Variants in CEP89 observed in about 807,000 individuals in gnomAD.
The protein encoded by CEP89 is centrosomal protein of 89 kDa.
In CEP89, 95 loss-of-function variants were observed where a neutral mutation model predicts 97.6. The observed-to-expected ratio is 0.97, with a 90% confidence interval of 0.82 to 1.15. CEP89 has a LOEUF of 1.15. CEP89 is among the 50% of genes most tolerant of loss of function. CEP89 has a pLI of 0.00. For synonymous variants in CEP89, 354 were observed against 349.1 expected, an observed-to-expected ratio of 1.01 and a Z score of -0.16; for missense variants, 869 against 947.7, an observed-to-expected ratio of 0.92 and a Z score of 1.09.
chr19:32,883,547 C>T (rs7252389), intron 17 of CEP89, among the ~76,000 whole-genome samples: 29,350 of 151,808 alleles, frequency 0.19, 2,938 homozygotes, highest in Non-Finnish European at 0.2. Flanking sequence ...CGTGGTGGCA[C>T]ATCTGTAATT....
At chr19:32,913,677 C>T (rs1052370168) in intron 14 of CEP89, among the ~76,000 whole-genome samples, 14 of 146,242 alleles carry the variant, frequency 9.6e-5, no homozygotes, top group Non-Finnish European at 4.5e-5. Context: ...TCGCTCTTGT[C>T]CCCCAGGCTG....
chr19:32,963,329 C>T (rs1372742325), intron 2 of CEP89, among the ~76,000 whole-genome samples: 1 of 152,130 alleles, frequency 6.6e-6, no homozygotes, highest in Non-Finnish European at 1.5e-5. Context: ...GCACTCCAGC[C>T]TGGGTGACAG....
intron 1 of CEP89, chr19:32,969,097 G>A (rs1398766730): frequency 3.3e-5 from 5 of 152,162 alleles, no homozygotes; most frequent in African/African-American, 1.2e-4. Context: ...GCTCGCAGCA[G>A]AGTGTAGCTC....
At chr19:32,929,787 G>C (rs1369848349) in intron 9 of CEP89, among the ~76,000 whole-genome samples, 2 of 152,126 alleles carry the variant, frequency 1.3e-5, no homozygotes, top group African/African-American at 4.8e-5. Context: ...TTGAATTATA[G>C]GACCCTAAGA....
At chr19:32,917,182 A>G (rs1970144594) in intron 13 of CEP89, among the ~76,000 whole-genome samples, 1 of 152,122 alleles carries the variant, frequency 6.6e-6, no homozygotes, top group Admixed American at 6.6e-5. Flanking sequence ...TAAGCTCAGT[A>G]AATAGGAAAC....
At chr19:32,956,924 C>A (rs1971061910) in intron 3 of CEP89, among the ~76,000 whole-genome samples, 1 of 152,008 alleles carries the variant, frequency 6.6e-6, no homozygotes, top group Non-Finnish European at 1.5e-5. Flanking sequence ...GAGTATAGTC[C>A]TTCATTCATT....
chr19:32,938,542 C>A (rs1970622839), intron 6 of CEP89, among the ~76,000 whole-genome samples: 1 of 152,150 alleles, frequency 6.6e-6, no homozygotes, highest in Non-Finnish European at 1.5e-5. Context: ...ACAAAGTAGA[C>A]AAGGTTATAA....
intron 12 of CEP89, among the ~76,000 whole-genome samples, chr19:32,920,940 A>G (rs1054096883): frequency 6.6e-6 from 1 of 150,932 alleles, no homozygotes; most frequent in African/African-American, 2.4e-5. Flanking sequence ...CTGCTGGGCC[A>G]GGTGCGGTGG....
At chr19:32,944,239 A>G (rs1568573159) in intron 5 of CEP89, among the ~76,000 whole-genome samples, 1 of 70,732 alleles carries the variant, frequency 1.4e-5, no homozygotes, top group Non-Finnish European at 3.0e-5. Context: ...AAAAAAAAAG[A>G]CTCTTCTTCT....
At chr19:32,945,317 T>C in intron 5 of CEP89, among the ~76,000 whole-genome samples, 1 of 148,438 alleles carries the variant, frequency 6.7e-6, no homozygotes, top group African/African-American at 2.5e-5. Context: ...TACAGACCTC[T>C]GGGCCCAGCC....
At chr19:32,956,049 C>CTTTTTTTTTTTT (rs202179963) in intron 3 of CEP89, among the ~76,000 whole-genome samples, 2 of 105,746 alleles carry the variant, frequency 1.9e-5, no homozygotes, top group African/African-American at 3.7e-5. Flanking sequence ...CAATTTGGTT[C>CTTTTTTTTTTTT]TTTTTTTTTT....
intron 17 of CEP89, among the ~76,000 whole-genome samples, chr19:32,886,182 C>T (rs1484024131): frequency 2.6e-5 from 4 of 152,218 alleles, no homozygotes; most frequent in Admixed American, 1.3e-4. Flanking sequence ...ATCTCCTTTG[C>T]GGCAACACTT....
At chr19:32,903,599 G>GAC (rs1380992297) in intron 14 of CEP89, among the ~76,000 whole-genome samples, 3 of 152,164 alleles carry the variant, frequency 2.0e-5, no homozygotes, top group Non-Finnish European at 4.4e-5. Context: ...TATTGGATGG[G>GAC]ACTAACAGCA....
chr19:32,896,371 G>C (rs1243771448), intron 16 of CEP89, among the ~76,000 whole-genome samples: 1 of 152,092 alleles, frequency 6.6e-6, no homozygotes, highest in Non-Finnish European at 1.5e-5. Context: ...GCTGGGGAAA[G>C]GGCACCCTCT....
At chr19:32,931,648 T>C (rs998665476) in intron 8 of CEP89, 77 bp from the exon 9 acceptor site, 4 of 1,256,364 alleles carry the variant, frequency 3.2e-6, no homozygotes, top group Non-Finnish European at 4.4e-6. Context: ...TGCAAATCGT[T>C]TGCTTTTCTC....
intron 3 of CEP89, among the ~76,000 whole-genome samples, chr19:32,956,685 T>A (rs1350669687): frequency 6.6e-6 from 1 of 152,180 alleles, no homozygotes; most frequent in African/African-American, 2.4e-5. Context: ...AATTTGAAAT[T>A]ACTAAAATTA....
At chr19:32,916,940 G>A (rs768523200) in intron 13 of CEP89, among the ~76,000 whole-genome samples, 14 of 152,050 alleles carry the variant, frequency 9.2e-5, no homozygotes, top group Non-Finnish European at 1.8e-4. Context: ...CCTGGCAGGC[G>A]GAAGTTGCAG....
In CEP89 at chr19:32,928,062, T is replaced by C. The variant is rs201479844; in HGVS notation, c.1030-1078A>G. On this transcript the variant is annotated intron_variant, in intron 9 of 18. Coordinates refer to ENST00000305768, the MANE Select transcript of CEP89 (RefSeq NM_032816.5). ...TCCCGAGTAGCTGGGACTACAGGTG[T>C]GTGCCACCACACCTGGTTAATTTTT... 6.0e-5 allele frequency among the ~76,000 whole-genome samples: 9 copies of C among 150,516 alleles called. No homozygotes were observed. The East Asian group carries it at 1.8e-3, about 30-fold the overall frequency.
At chr19:32,942,822 A>C (rs1186929854) in intron 5 of CEP89, among the ~76,000 whole-genome samples, 2 of 151,704 alleles carry the variant, frequency 1.3e-5, no homozygotes, top group Admixed American at 1.3e-4. Flanking sequence ...TGCTGCATAC[A>C]AGGTGTCATG....
Sources: gnomAD v4.1 joint callset for allele counts (sites outside exome capture counted in the v4.1 genomes callset) on GRCh38, gnomAD v4.1.1 for gene constraint, MANE v1.5 for transcripts, NCBI Gene and HGNC (gene_info 2026-07-23, HGNC 2026-07-21) for gene names.